Variants in NRXN3 observed in about 807,000 individuals in gnomAD.
NRXN3 encodes the protein neurexin 3.
Under a neutral mutation model 137.6 loss-of-function variants are expected in NRXN3, and 32 were observed. The ratio of observed to expected loss-of-function variants is 0.23; its 90% confidence interval spans 0.18 to 0.31. NRXN3 has a LOEUF of 0.31. Ranked by LOEUF, NRXN3 falls within the 10% of genes least tolerant of loss-of-function variation. The pLI is 1.00. For synonymous variants in NRXN3, 798 were observed against 784.5 expected (o/e 1.02, Z -0.29); for missense variants, 1,574 against 2,062.5 (o/e 0.76, Z 4.59).
Position 79,697,841 on chromosome 14 carries a change from C to T in NRXN3, c.3918C>T (p.Thr1306=), listed in dbSNP as rs1377928822. Residue 1306 remains threonine, a synonymous_variant, in exon 19 of 21, where the codon ACC becomes ACT. Transcript: ENST00000335750. ...CAATTTTGGGAACAACACAGACGACCTCCATGCCACCAGAAATGTCTACTA... is the reference window on the plus strand; with the variant it reads ...CAATTTTGGGAACAACACAGACGACTTCCATGCCACCAGAAATGTCTACTA... ...VPSILGTTQT[T]SMPPEMSTTV... is the part of the protein sequence containing the mutation. 2 of 1,613,152 alleles carry T rather than the reference C, an allele frequency of 1.2e-6. No homozygotes were observed. The highest frequency in any genetic ancestry group is 1.7e-6 in the Non-Finnish European group (2 of 1,179,468).
intron 19 of NRXN3, among the ~76,000 whole-genome samples, chr14:79,768,592 G>A (rs992992726): frequency 3.3e-5 from 5 of 152,286 alleles, no homozygotes; most frequent in African/African-American, 1.2e-4. Context: ...CTAACAAACA[G>A]AAAGGACATC....
At chr14:78,949,138 G>T (rs1201560785) in intron 10 of NRXN3, among the ~76,000 whole-genome samples, 1 of 152,050 alleles carries the variant, frequency 6.6e-6, no homozygotes, top group Admixed American at 6.6e-5. Context: ...TATATTAAAA[G>T]GAAAAGTAGT....
intron 19 of NRXN3, among the ~76,000 whole-genome samples, chr14:79,718,640 G>GCCTCA (rs1305762347): frequency 1.3e-5 from 2 of 152,014 alleles, no homozygotes; most frequent in African/African-American, 4.8e-5. Flanking sequence ...CAGCTTGATG[G>GCCTCA]CCTCACCCTG....
At chr14:79,462,504 T>TAC (rs1555462241) in intron 15 of NRXN3, among the ~76,000 whole-genome samples, 30 of 149,896 alleles carry the variant, frequency 2.0e-4, no homozygotes, top group Non-Finnish European at 3.8e-4. Context: ...TATATATATA[T>TAC]ACACACATAT....
Position 79,259,705 on chromosome 14 carries a change from T to G in NRXN3, c.3263-207516T>G, listed in dbSNP as rs544426951. On this transcript the variant is annotated intron_variant, in intron 15 of 20. Coordinates refer to ENST00000335750, the MANE Select transcript of NRXN3 (RefSeq NM_001330195.2). ...TATATATATAGTTTATATATATAGT[T>G]TTATACACACACACACACACACACA... Among the ~76,000 whole-genome samples the G allele has an allele frequency of 6.5e-3, 508 of 78,570 alleles. 4 individuals carry two copies. The highest frequency in any genetic ancestry group is 0.023 in the African/African-American group (468 of 20,256). The allele number at this position is 78,570 out of a possible 152,430, so 51.5% of individuals were successfully genotyped here.
chr14:79,134,845 C>G (rs956243780), intron 15 of NRXN3, among the ~76,000 whole-genome samples: 3 of 152,148 alleles, frequency 2.0e-5, no homozygotes, highest in Non-Finnish European at 4.4e-5. Flanking sequence ...GACTGATTCT[C>G]TATTGTAGCT....
intron 20 of NRXN3, among the ~76,000 whole-genome samples, chr14:79,829,226 T>C (rs960822655): frequency 4.6e-5 from 7 of 152,220 alleles, no homozygotes; most frequent in Non-Finnish European, 8.8e-5. Flanking sequence ...ATGTTAATAA[T>C]AATGATAATA....
chr14:78,636,825 T>A (rs1163624556), intron 4 of NRXN3, among the ~76,000 whole-genome samples: 3 of 150,784 alleles, frequency 2.0e-5, no homozygotes, highest in African/African-American at 7.4e-5. Context: ...GTATTTCTTT[T>A]TTTATTTTTT....
At chr14:79,217,704 A>G (rs1167387943) in intron 15 of NRXN3, among the ~76,000 whole-genome samples, 1 of 152,216 alleles carries the variant, frequency 6.6e-6, no homozygotes, top group South Asian at 2.1e-4. Flanking sequence ...ACAAAACAAA[A>G]AAAACTCTGG....
At chr14:78,298,104 C>T (rs898985827) in intron 4 of NRXN3, among the ~76,000 whole-genome samples, 5 of 152,230 alleles carry the variant, frequency 3.3e-5, no homozygotes, top group East Asian at 1.9e-4. Flanking sequence ...TCATTTTGGG[C>T]GCTGGCCCTG....
intron 8 of NRXN3, among the ~76,000 whole-genome samples, chr14:78,750,236 G>A (rs1413491921): frequency 6.6e-6 from 1 of 152,246 alleles, no homozygotes; most frequent in Non-Finnish European, 1.5e-5. Context: ...CACCTTTGTA[G>A]CCCATGAAGT....
chr14:79,320,546 C>T (rs1402395082), intron 15 of NRXN3, among the ~76,000 whole-genome samples: 1 of 152,140 alleles, frequency 6.6e-6, no homozygotes, highest in Non-Finnish European at 1.5e-5. Context: ...TGTACATTTT[C>T]CCTCAGGTAA....
chr14:79,204,857 T>G (rs1295382332), intron 15 of NRXN3, among the ~76,000 whole-genome samples: 1 of 152,180 alleles, frequency 6.6e-6, no homozygotes, highest in African/African-American at 2.4e-5. Context: ...TGGACAGTAC[T>G]GAAAGTATGA....
chr14:79,790,404 G>C (rs1041556663), intron 19 of NRXN3, among the ~76,000 whole-genome samples: 4 of 152,078 alleles, frequency 2.6e-5, no homozygotes, highest in African/African-American at 9.7e-5. Context: ...CCATGCTCGA[G>C]CAATCCTGCT....
At chr14:79,168,376 G>GA (rs2061476641) in intron 15 of NRXN3, among the ~76,000 whole-genome samples, 1 of 151,746 alleles carries the variant, frequency 6.6e-6, no homozygotes, top group East Asian at 1.9e-4. Context: ...GATCTCAATA[G>GA]AAAAAATAGA....
At chr14:78,702,441 T>TTTTTG (rs2098293095) in intron 6 of NRXN3, among the ~76,000 whole-genome samples, 1 of 54,548 alleles carries the variant, frequency 1.8e-5, no homozygotes, top group Non-Finnish European at 4.4e-5. Flanking sequence ...AGAATCTTTC[T>TTTTTG]TTTTCTTTTC....
chr14:79,842,746 G>T (rs2141488344), intron 20 of NRXN3, among the ~76,000 whole-genome samples: 1 of 152,204 alleles, frequency 6.6e-6, no homozygotes, highest in African/African-American at 2.4e-5. Flanking sequence ...TTCCCCTTAT[G>T]TCAAGAGTAG....
chr14:79,197,240 T>C (rs1394717800), intron 15 of NRXN3, among the ~76,000 whole-genome samples: 2 of 152,216 alleles, frequency 1.3e-5, no homozygotes, highest in Non-Finnish European at 1.5e-5. Context: ...GGTAGGTGCA[T>C]GGTAGTCAGG....
At chr14:79,782,256 C>T (rs1038829436) in intron 19 of NRXN3, among the ~76,000 whole-genome samples, 1 of 152,100 alleles carries the variant, frequency 6.6e-6, no homozygotes, top group Non-Finnish European at 1.5e-5. Context: ...ATGCATGAGC[C>T]AGATTCTGGT....
Sources: allele counts gnomAD v4.1 joint callset (sites outside exome capture counted in the v4.1 genomes callset), GRCh38; gene constraint gnomAD v4.1.1; transcripts MANE v1.5; gene names NCBI Gene and HGNC (gene_info 2026-07-23, HGNC 2026-07-21).